RIT2: variants seen among roughly 807,000 people sequenced by gnomAD.
The protein encoded by RIT2 is GTP-binding protein Rit2.
In RIT2, 24 loss-of-function variants were observed where a neutral mutation model predicts 23.7. That is an observed-to-expected ratio of 1.01 (90% confidence interval 0.73 to 1.43). RIT2 has a LOEUF of 1.43. Ranked by LOEUF, RIT2 falls within the 40% of genes most tolerant of loss-of-function variation. The probability of loss-of-function intolerance (pLI) is 0.00; values close to 1 mark genes in which losing one functional copy is unlikely to be tolerated. For synonymous variants in RIT2, 107 were observed against 91.1 expected (o/e 1.17, Z -0.99); for missense variants, 236 against 266.9 (o/e 0.88, Z 0.81).
intron 4 of RIT2, among the ~76,000 whole-genome samples, chr18:42,857,962 T>C (rs1217045938): frequency 6.6e-6 from 1 of 152,034 alleles, no homozygotes; most frequent in Non-Finnish European, 1.5e-5. Context: ...GGGTGCATCA[T>C]CTGAGGTCAG....
chr18:42,976,097 A>T (rs373194341), intron 2 of RIT2, among the ~76,000 whole-genome samples: 1 of 151,916 alleles, frequency 6.6e-6, no homozygotes, highest in African/African-American at 2.4e-5. Flanking sequence ...TTTTCTTTCA[A>T]TTGTTGGTTT....
intron 4 of RIT2, among the ~76,000 whole-genome samples, chr18:42,793,293 C>T (rs1212783023): frequency 1.3e-5 from 2 of 152,180 alleles, no homozygotes. Flanking sequence ...TCCCCCTATA[C>T]TGCCAGACAG....
At chr18:43,076,954 T>A (rs914100240) in intron 1 of RIT2, among the ~76,000 whole-genome samples, 102 of 150,538 alleles carry the variant, frequency 6.8e-4, no homozygotes, top group African/African-American at 2.3e-3. Flanking sequence ...ATACAAAAAA[T>A]TAGCCGGCCG....
At chr18:42,905,038 G>A (rs1908574267) in intron 4 of RIT2, among the ~76,000 whole-genome samples, 1 of 152,156 alleles carries the variant, frequency 6.6e-6, no homozygotes, top group Non-Finnish European at 1.5e-5. Context: ...TCAATAATCT[G>A]TAAAGCTTAA....
intron 2 of RIT2, among the ~76,000 whole-genome samples, chr18:42,978,280 T>A (rs1910517481): frequency 6.7e-6 from 1 of 150,094 alleles, no homozygotes; most frequent in Non-Finnish European, 1.5e-5. Context: ...GGCTAGAAAC[T>A]AAAGCCAGAC....
At chr18:43,089,800 A>C (rs1043265797) in intron 1 of RIT2, among the ~76,000 whole-genome samples, 1 of 152,014 alleles carries the variant, frequency 6.6e-6, no homozygotes, top group Non-Finnish European at 1.5e-5. Flanking sequence ...AGGATTCCCT[A>C]CTCAATAAAT....
intron 3 of RIT2, among the ~76,000 whole-genome samples, chr18:42,947,988 T>C (rs188169796): frequency 2.6e-5 from 4 of 152,230 alleles, no homozygotes; most frequent in East Asian, 1.9e-4. Context: ...TATGTATCTA[T>C]ATGGATTAGA....
At chr18:42,803,779 T>C (rs1455940605) in intron 4 of RIT2, among the ~76,000 whole-genome samples, 2 of 152,216 alleles carry the variant, frequency 1.3e-5, no homozygotes, top group Non-Finnish European at 2.9e-5. Context: ...CAACATTGCT[T>C]TGATAAAAAT....
intron 4 of RIT2, among the ~76,000 whole-genome samples, chr18:42,805,405 AAAAAGAGAG>A (rs1276219791): frequency 3.3e-5 from 5 of 152,224 alleles, no homozygotes; most frequent in African/African-American, 1.2e-4. Flanking sequence ...CACAAAGTTG[AAAAAGAGAG>A]TATTTCAACA....
intron 2 of RIT2, among the ~76,000 whole-genome samples, chr18:42,991,206 T>C (rs1910839121): frequency 6.6e-6 from 1 of 152,164 alleles, no homozygotes; most frequent in African/African-American, 2.4e-5. Flanking sequence ...CCAGCCCCTT[T>C]TGCATAGAGG....
chr18:42,971,439 C>T (rs2144200578), intron 3 of RIT2, among the ~76,000 whole-genome samples: 1 of 152,152 alleles, frequency 6.6e-6, no homozygotes, highest in Non-Finnish European at 1.5e-5. Flanking sequence ...CTCAGTATTA[C>T]TAGAGCATAG....
chr18:42,882,198 G>A (rs1007139605), intron 4 of RIT2, among the ~76,000 whole-genome samples: 2 of 152,166 alleles, frequency 1.3e-5, no homozygotes. Flanking sequence ...AAATCATTCA[G>A]CTACTGAAGC....
intron 1 of RIT2, among the ~76,000 whole-genome samples, chr18:43,083,130 A>G (rs1172221156): frequency 1.3e-5 from 2 of 152,188 alleles, no homozygotes; most frequent in East Asian, 3.9e-4. Flanking sequence ...CCCATTCACC[A>G]TTGCTACAAA....
At chr18:43,025,249 C>G (rs1216713153) in intron 2 of RIT2, among the ~76,000 whole-genome samples, 1 of 141,902 alleles carries the variant, frequency 7.0e-6, no homozygotes, top group Non-Finnish European at 1.5e-5. Flanking sequence ...AAAAAAAAAA[C>G]AGGCAGCAAA....
intron 4 of RIT2, among the ~76,000 whole-genome samples, chr18:42,862,305 T>TC (rs1475915334): frequency 3.3e-5 from 5 of 152,006 alleles, no homozygotes; most frequent in Non-Finnish European, 7.4e-5. Context: ...GGTCATTGCC[T>TC]CCCCCTTGCC....
intron 4 of RIT2, among the ~76,000 whole-genome samples, chr18:42,895,400 A>C (rs1284927857): frequency 2.0e-5 from 3 of 152,228 alleles, no homozygotes; most frequent in African/African-American, 7.2e-5. Context: ...AAAATGAAAC[A>C]TTTTATAATC....
intron 4 of RIT2, among the ~76,000 whole-genome samples, chr18:42,838,910 G>A (rs1906688827): frequency 6.6e-6 from 1 of 152,164 alleles, no homozygotes; most frequent in South Asian, 2.1e-4. Context: ...TCTCTCACTT[G>A]AGAAGAAGGA....
intron 1 of RIT2, among the ~76,000 whole-genome samples, chr18:43,085,300 A>G (rs965014161): frequency 7.9e-5 from 12 of 152,108 alleles, no homozygotes; most frequent in Non-Finnish European, 4.4e-5. Flanking sequence ...GATTAAGTCA[A>G]ACTGATTCAC....
chr18:42,821,291 G>A (rs893051596), intron 4 of RIT2, among the ~76,000 whole-genome samples: 1 of 152,136 alleles, frequency 6.6e-6, no homozygotes, highest in African/African-American at 2.4e-5. Context: ...GTAGCACGAT[G>A]AGAAGATTTA....
Sources: gnomAD v4.1 joint callset for allele counts (sites outside exome capture counted in the v4.1 genomes callset) on GRCh38, gnomAD v4.1.1 for gene constraint, MANE v1.5 for transcripts, NCBI Gene and HGNC (gene_info 2026-07-23, HGNC 2026-07-21) for gene names.